The following RBM27 variants were observed in gnomAD, a reference collection of about 807,000 sequenced individuals.
RBM27 encodes the protein RNA binding motif protein 27.
RBM27 carries 22 observed loss-of-function variants against 135.3 expected under a neutral mutation model. The ratio of observed to expected loss-of-function variants is 0.16; its 90% confidence interval spans 0.12 to 0.23. RBM27 has a LOEUF of 0.23. Ranked by LOEUF, RBM27 falls within the 10% of genes least tolerant of loss-of-function variation. The probability of loss-of-function intolerance (pLI) is 1.00; values close to 1 mark genes in which losing one functional copy is unlikely to be tolerated. For missense variants in RBM27, 1,009 were observed against 1,281.0 expected (o/e 0.79, Z 3.24); for synonymous variants, 481 against 442.4 (o/e 1.09, Z -1.10).
chr5:146,203,944 C>G, intron 1 of RBM27, 120 bp downstream of exon 1: 1 of 1,000,924 alleles, frequency 1.0e-6, no homozygotes. Flanking sequence ...GAGGTCCCGG[C>G]GACGCCTTCC....
chr5:146,226,060 G>A (rs1318934146), intron 3 of RBM27, among the ~76,000 whole-genome samples: 1 of 146,952 alleles, frequency 6.8e-6, no homozygotes, highest in African/African-American at 2.5e-5. Context: ...TAGAGACGGG[G>A]TTTCACCAAG....
intron 15 of RBM27, among the ~76,000 whole-genome samples, chr5:146,268,453 G>T (rs975933414): frequency 6.6e-6 from 1 of 152,092 alleles, no homozygotes; most frequent in South Asian, 2.1e-4. Context: ...TGTTGGTCAG[G>T]CTAGTCTTGA....
At chr5:146,223,559 GC>G in intron 3 of RBM27, 32 bp downstream of exon 3, 1 of 1,587,220 alleles carries the variant, frequency 6.3e-7, no homozygotes, top group Non-Finnish European at 8.5e-7. Context: ...GCTTTTGGGG[GC>G]TTCTTAGATC....
At chr5:146,213,544 T>C (rs148154568) in intron 1 of RBM27, among the ~76,000 whole-genome samples, 1 of 152,298 alleles carries the variant, frequency 6.6e-6, no homozygotes, top group Non-Finnish European at 1.5e-5. Flanking sequence ...ATTAGATCCA[T>C]ATTCAGAAAC....
chr5:146,267,778 T>G lies in RBM27; in HGVS notation c.2451+10T>G, dbSNP rs1281450002. On this transcript the variant is annotated intron_variant, in intron 15 of 20. Coordinates refer to ENST00000265271, the MANE Select transcript of RBM27 (RefSeq NM_018989.2). ...GCTTAAAAAAAAACAGGTAACAGTC[T>G]TGATTCTTCTTGCCTTACAGAAGAA... The G allele has an allele frequency of 1.3e-6, 2 of 1,598,660 alleles. No homozygotes were observed. The highest frequency in any genetic ancestry group is 1.4e-5 in the African/African-American group (1 of 73,810).
At chr5:146,212,469 C>T (rs571292616) in intron 1 of RBM27, among the ~76,000 whole-genome samples, 1 of 152,228 alleles carries the variant, frequency 6.6e-6, no homozygotes, top group Non-Finnish European at 1.5e-5. Context: ...CCACTTCAGC[C>T]TCCTGAGTAG....
chr5:146,284,272 G>T (rs1415616384), intron 19 of RBM27, among the ~76,000 whole-genome samples: 1 of 152,038 alleles, frequency 6.6e-6, no homozygotes, highest in African/African-American at 2.4e-5. Context: ...TATATATGTA[G>T]ATATCAAAGC....
At chr5:146,239,775 C>CTT (rs754481130) in intron 8 of RBM27, among the ~76,000 whole-genome samples, 12 of 119,398 alleles carry the variant, frequency 1.0e-4, no homozygotes, top group South Asian at 2.7e-4. Context: ...CACGCCTGGA[C>CTT]TTTTTTTTTT....
At chr5:146,267,545 C>T in intron 14 of RBM27, 104 bp from the exon 15 acceptor site, 2 of 710,028 alleles carry the variant, frequency 2.8e-6, no homozygotes, top group South Asian at 2.4e-5. Context: ...AATTTAACTC[C>T]TAAGAAGAGT....
chr5:146,227,645 T>A (rs779749193), intron 3 of RBM27, among the ~76,000 whole-genome samples: 6 of 152,118 alleles, frequency 3.9e-5, no homozygotes, highest in Non-Finnish European at 8.8e-5. Flanking sequence ...AAGACAATAA[T>A]AAAAATTACT....
chr5:146,260,681 G>A, intron 11 of RBM27, 64 bp from the exon 12 acceptor site: 2 of 1,401,726 alleles, frequency 1.4e-6, no homozygotes, highest in Non-Finnish European at 1.9e-6. Context: ...ATTCTTTGTG[G>A]TTATATCTCT....
chr5:146,222,783 A>G (rs1212592172), intron 2 of RBM27, among the ~76,000 whole-genome samples: 1 of 152,230 alleles, frequency 6.6e-6, no homozygotes, highest in Non-Finnish European at 1.5e-5. Flanking sequence ...GAAGTTTCAA[A>G]CAGAGCACCC....
chr5:146,282,311 C>T (rs1194376661), intron 19 of RBM27, among the ~76,000 whole-genome samples: 1 of 152,158 alleles, frequency 6.6e-6, no homozygotes. Flanking sequence ...CAGCCTCATC[C>T]TCTTACTGAT....
intron 3 of RBM27, among the ~76,000 whole-genome samples, chr5:146,225,913 A>G (rs549015476): frequency 6.6e-6 from 1 of 151,858 alleles, no homozygotes; most frequent in South Asian, 2.1e-4. Flanking sequence ...CCCAGGGTGG[A>G]GTGCGGTGGC....
In RBM27 at chr5:146,283,752, A is replaced by G. The variant is rs1017845485; in HGVS notation, c.2989-870A>G. ...CTCTAATGTACATTCTCACCATGCT[A>G]TGCTCCAAGTGTTTTATGGAAACAT... On this transcript the variant is annotated intron_variant, in intron 19 of 20. Coordinates refer to ENST00000265271, the MANE Select transcript of RBM27 (RefSeq NM_018989.2). 3.9e-5 allele frequency among the ~76,000 whole-genome samples: 6 copies of G among 152,188 alleles called. No individual in the cohort carries two copies. The South Asian group carries it at 6.2e-4, about 16-fold the overall frequency.
rs375581830 is a variant in RBM27, at chr5:146,251,863, C to T, written c.1432C>T (p.Pro478Ser). 17 of 1,613,918 alleles carry T rather than the reference C, an allele frequency of 1.1e-5. No homozygotes were observed. The highest frequency in any genetic ancestry group is 1.4e-5 in the Non-Finnish European group (17 of 1,179,938). Residue 478 changes from proline (P) to serine (S), a missense_variant, in exon 9 of 21, where the codon CCT becomes TCT. By Grantham distance (74) the Pro-to-Ser change is moderately conservative (BLOSUM62 -1). This residue lies in a region of RBM27 where 329 missense variants were observed against 368.1 expected (regional missense o/e 0.89). Coordinates refer to ENST00000265271, the MANE Select transcript of RBM27 (RefSeq NM_018989.2). ...GYHTSVSSPTPLVPDTYEPDG... is the reference protein window; with the variant it reads ...GYHTSVSSPTSLVPDTYEPDG... Reference sequence around the variant, plus strand: ...CCATACCTCAGTCTCCAGCCCTACCCCTCTGGTTCCAGGTAAGCTTTGCTA... The same window carrying T: ...CCATACCTCAGTCTCCAGCCCTACCTCTCTGGTTCCAGGTAAGCTTTGCTA...
chr5:146,224,974 A>T (rs1756607633), intron 3 of RBM27, among the ~76,000 whole-genome samples: 1 of 152,146 alleles, frequency 6.6e-6, no homozygotes, highest in Non-Finnish European at 1.5e-5. Context: ...TTCAGTGTGT[A>T]TTTCCTACAT....
intron 6 of RBM27, among the ~76,000 whole-genome samples, chr5:146,232,376 T>A (rs1756977030): frequency 6.6e-6 from 1 of 152,222 alleles, no homozygotes; most frequent in East Asian, 1.9e-4. Context: ...TTGTTGTTTA[T>A]CTTTCCAAAC....
At chr5:146,214,706 A>G (rs1581139512) in intron 1 of RBM27, among the ~76,000 whole-genome samples, 4 of 152,322 alleles carry the variant, frequency 2.6e-5, no homozygotes, top group Admixed American at 2.6e-4. Flanking sequence ...CAATTAGTCT[A>G]TTATTTTAGA....
Sources: allele counts gnomAD v4.1 joint callset (sites outside exome capture counted in the v4.1 genomes callset), GRCh38; gene constraint gnomAD v4.1.1; regional missense constraint gnomAD v4.1.1; transcripts MANE v1.5; gene names NCBI Gene and HGNC (gene_info 2026-07-23, HGNC 2026-07-21).